The following CACNA2D3 variants were observed in gnomAD, a reference collection of about 807,000 sequenced individuals.
The protein encoded by CACNA2D3 is calcium voltage-gated channel auxiliary subunit alpha2delta 3, also known as voltage-dependent calcium channel subunit alpha-2/delta-3.
In CACNA2D3, 60 loss-of-function variants were observed where a neutral mutation model predicts 160.6. That is an observed-to-expected ratio of 0.37 (90% CI 0.30 to 0.46). CACNA2D3 has a LOEUF of 0.46. Ranked by LOEUF, CACNA2D3 falls within the 20% of genes least tolerant of loss-of-function variation. CACNA2D3 has a pLI of 1.00. For synonymous variants in CACNA2D3, 558 were observed against 492.9 expected (o/e 1.13, Z -1.75); for missense variants, 1,205 against 1,365.0 (o/e 0.88, Z 1.85).
chr3:54,179,642 G>A (rs770220366), intron 2 of CACNA2D3, among the ~76,000 whole-genome samples: 10 of 152,206 alleles, frequency 6.6e-5, no homozygotes, highest in Non-Finnish European at 1.3e-4. Flanking sequence ...ATATGTTGAA[G>A]CCTAATCCTC....
rs550083762 is a variant in CACNA2D3, at chr3:54,219,152, A to G, written c.204+95558A>G. On this transcript the variant is annotated intron_variant, in intron 2 of 37. Coordinates refer to ENST00000474759, the MANE Select transcript of CACNA2D3 (RefSeq NM_018398.3). ...CCCTGTCTCTCTCTTACCCACTTCA[A>G]TGCATGCTGGAGCTGCCTCGTACCA... 9.2e-5 allele frequency among the ~76,000 whole-genome samples: 14 copies of G among 152,100 alleles called. No individual in the cohort carries two copies. In the South Asian group the frequency reaches 2.7e-3, roughly 29 times the overall value.
chr3:54,993,441 C>A (rs552881484), intron 31 of CACNA2D3, among the ~76,000 whole-genome samples: 2 of 152,168 alleles, frequency 1.3e-5, no homozygotes, highest in South Asian at 4.1e-4. Flanking sequence ...CCAACCTGGA[C>A]ATGAAGTGCC....
In CACNA2D3 at chr3:54,621,669, G is replaced by T. The variant is rs78599178; in HGVS notation, c.964-6118G>T. Among the ~76,000 whole-genome samples the T allele has an allele frequency of 1.5e-3, 223 of 152,290 alleles. 3 individuals carry two copies. The East Asian group carries it at 0.037, about 26-fold the overall frequency. On this transcript the variant is annotated intron_variant, in intron 9 of 37. Coordinates refer to ENST00000474759, the MANE Select transcript of CACNA2D3 (RefSeq NM_018398.3). ...GCGTCTCCCTGACTTGGGCGATCTG[G>T]AGCCTTCTGTTCTGTAGCTGTGCCC... is the stretch of plus-strand genomic sequence containing the variant.
At position 54,369,354 on chromosome 3, in the gene CACNA2D3, T is replaced by A. The variant is rs1212588327; in HGVS notation, c.322-17361T>A. On this transcript the variant is annotated intron_variant, in intron 3 of 37. Transcript: ENST00000474759. ...TCGCTTTGACAGTGACAGGGAGCCG[T>A]GGTCGTGCAGGCAAGTCACCTGCAT... Among the ~76,000 whole-genome samples, 7 of 152,194 alleles carry A rather than the reference T, an allele frequency of 4.6e-5. No individual in the cohort carries two copies. In the East Asian group the frequency reaches 1.4e-3, roughly 29 times the overall value.
chr3:54,611,755 A>C (rs1420943595), intron 9 of CACNA2D3, among the ~76,000 whole-genome samples: 1 of 152,174 alleles, frequency 6.6e-6, no homozygotes, highest in Non-Finnish European at 1.5e-5. Context: ...ACCACCTTGA[A>C]AATTATATTC....
chr3:54,524,973 TTTAA>T lies in CACNA2D3; in HGVS notation c.544+21326_544+21329del, dbSNP rs552628977. ...TGAAAAATCTCTGCCTCTTGGATTA[TTTAA>T]TTAATTCACATTTATTATTAAGTCT... On this transcript the variant is annotated intron_variant, in intron 5 of 37. Transcript: ENST00000474759. Among the ~76,000 whole-genome samples, 201 of 152,146 alleles carry T rather than the reference TTTAA, an allele frequency of 1.3e-3. 2 individuals carry two copies. Among genetic ancestry groups the T allele is most frequent in the Non-Finnish European group, 9.7e-4 (66 of 67,968 alleles).
At chr3:54,993,954 G>A (rs1325291265) in intron 31 of CACNA2D3, among the ~76,000 whole-genome samples, 3 of 136,852 alleles carry the variant, frequency 2.2e-5, no homozygotes, top group African/African-American at 8.1e-5. Context: ...CGTGGTTTTT[G>A]TTGTTTGTAT....
intron 3 of CACNA2D3, among the ~76,000 whole-genome samples, chr3:54,366,599 G>T (rs1698831965): frequency 6.6e-6 from 1 of 152,048 alleles, no homozygotes; most frequent in Non-Finnish European, 1.5e-5. Context: ...TTATTTTTTT[G>T]AAATGATGTA....
At chr3:54,626,241 G>C in intron 9 of CACNA2D3, 7 of 1,073,406 alleles carry the variant, frequency 6.5e-6, no homozygotes, top group East Asian at 2.6e-5. Flanking sequence ...AGAAGAAGCA[G>C]ACCTTCCGCA....
At chr3:54,562,749 A>G in intron 5 of CACNA2D3, 51 bp from the exon 6 acceptor site, 2 of 1,542,496 alleles carry the variant, frequency 1.3e-6, no homozygotes, top group African/African-American at 1.4e-5. Flanking sequence ...CAGGAATTTT[A>G]TTTCACTTTG....
intron 5 of CACNA2D3, among the ~76,000 whole-genome samples, chr3:54,542,723 C>G (rs1053324655): frequency 6.6e-6 from 1 of 151,972 alleles, no homozygotes; most frequent in Non-Finnish European, 1.5e-5. Context: ...ATGGTGCCAC[C>G]CAGATGGAGG....
chr3:54,812,974 A>G (rs921411596), intron 13 of CACNA2D3, among the ~76,000 whole-genome samples: 2 of 152,146 alleles, frequency 1.3e-5, no homozygotes, highest in Admixed American at 6.5e-5. Context: ...AACAGTGACT[A>G]TTTCTGTTAT....
At chr3:54,732,834 G>A (rs1040569749) in intron 11 of CACNA2D3, among the ~76,000 whole-genome samples, 2 of 152,216 alleles carry the variant, frequency 1.3e-5, no homozygotes, top group African/African-American at 4.8e-5. Flanking sequence ...CCTCGAAAAA[G>A]TCAAAAGGTC....
At chr3:54,340,405 T>C (rs1704490315) in intron 3 of CACNA2D3, among the ~76,000 whole-genome samples, 1 of 152,346 alleles carries the variant, frequency 6.6e-6, no homozygotes, top group East Asian at 1.9e-4. Context: ...AGACTTGTTA[T>C]AGTATTTTTA....
intron 2 of CACNA2D3, among the ~76,000 whole-genome samples, chr3:54,309,825 T>C (rs1703696787): frequency 6.6e-6 from 1 of 152,070 alleles, no homozygotes; most frequent in South Asian, 2.1e-4. Flanking sequence ...AAGGAGGCGC[T>C]GCTTACAGGT....
chr3:54,891,180 C>CGTGTGTGTGTGTGTGTGT (rs3836392), intron 24 of CACNA2D3, among the ~76,000 whole-genome samples, 175 bp from the exon 25 acceptor site: 6 of 141,902 alleles, frequency 4.2e-5, no homozygotes, highest in South Asian at 4.8e-4. Flanking sequence ...AATCTGTGCT[C>CGTGTGTGTGTGTGTGTGT]GTGTGTGTGT....
At chr3:54,806,713 C>T (rs185972737) in intron 13 of CACNA2D3, among the ~76,000 whole-genome samples, 1 of 152,042 alleles carries the variant, frequency 6.6e-6, no homozygotes, top group African/African-American at 2.4e-5. Flanking sequence ...CTTTAAAGTT[C>T]ATATGGAACC....
At chr3:54,533,803 GTGTGTGT>G (rs1324721958) in intron 5 of CACNA2D3, among the ~76,000 whole-genome samples, 1 of 51,622 alleles carries the variant, frequency 1.9e-5, no homozygotes, top group African/African-American at 1.3e-4. Context: ...TAGTGTGTGT[GTGTGTGT>G]GTGTGTGTGT....
rs113242080 is a variant in CACNA2D3, at chr3:55,030,760, AG to A, written c.2987+12445del. On this transcript the variant is annotated intron_variant, in intron 35 of 37. Coordinates refer to ENST00000474759, the MANE Select transcript of CACNA2D3 (RefSeq NM_018398.3). ...AAAAAGTACCCTATTTCCAGACTCAAGGATGATTACAACTTTGAGGATCCAG... is the reference window on the plus strand; with the variant it reads ...AAAAAGTACCCTATTTCCAGACTCAAGATGATTACAACTTTGAGGATCCAG... Among the ~76,000 whole-genome samples the A allele has an allele frequency of 9.2e-3, 1,397 of 152,274 alleles. 25 individuals are homozygous for A. Among genetic ancestry groups the A allele is most frequent in the African/African-American group, 0.032 (1,319 of 41,556 alleles).
Sources: gnomAD v4.1 joint callset for allele counts (sites outside exome capture counted in the v4.1 genomes callset) on GRCh38, gnomAD v4.1.1 for gene constraint, MANE v1.5 for transcripts, NCBI Gene and HGNC (gene_info 2026-07-23, HGNC 2026-07-21) for gene names.